TTC28: variants seen among roughly 807,000 people sequenced by gnomAD.
TTC28 encodes tetratricopeptide repeat domain 28, also known as tetratricopeptide repeat protein 28.
In TTC28, 61 loss-of-function variants were observed where a neutral mutation model predicts 198.0. The ratio of observed to expected loss-of-function variants is 0.31; its 90% CI spans 0.25 to 0.38. The LOEUF is 0.38. Among genes scored for constraint, TTC28 ranks in the 10% least tolerant of loss-of-function variants. TTC28 has a pLI of 1.00. For missense variants in TTC28, 2,678 were observed against 3,164.0 expected (o/e 0.85, Z 3.69); for synonymous variants, 1,171 against 1,297.8 (o/e 0.90, Z 2.10).
chr22:28,509,221 A>G (rs560380992), intron 2 of TTC28, among the ~76,000 whole-genome samples: 3 of 151,932 alleles, frequency 2.0e-5, no homozygotes, highest in Non-Finnish European at 4.4e-5. Context: ...CTCTCTACCC[A>G]GAAACAACAG....
rs1293172858 is a variant in TTC28, at chr22:28,133,668, C to T, written c.1442-25265G>A. ...GGCAGCAGCATGGCTAGGGGAGGGG[C>T]GCCCACCAATGCTGAGGCTTGAGTA... On this transcript the variant is annotated intron_variant, in intron 6 of 22. Coordinates refer to ENST00000397906, the MANE Select transcript of TTC28 (RefSeq NM_001145418.2). Among the ~76,000 whole-genome samples the T allele has an allele frequency of 6.4e-4, 97 of 152,252 alleles. 1 individual carries two copies. The highest frequency in any genetic ancestry group is 6.2e-4 in the South Asian group (3 of 4,818).
chr22:28,381,968 C>T (rs1253952651), intron 2 of TTC28, among the ~76,000 whole-genome samples: 2 of 152,094 alleles, frequency 1.3e-5, no homozygotes, highest in East Asian at 3.9e-4. Context: ...AGTGCCAATT[C>T]CTCGGCAAAT....
intron 2 of TTC28, among the ~76,000 whole-genome samples, chr22:28,381,746 T>G (rs1003275862): frequency 3.9e-5 from 6 of 152,152 alleles, no homozygotes; most frequent in African/African-American, 1.4e-4. Context: ...TACCACAGTT[T>G]GGTAACCAGA....
intron 12 of TTC28, among the ~76,000 whole-genome samples, chr22:28,071,789 A>G (rs1439602965): frequency 1.3e-5 from 2 of 151,900 alleles, no homozygotes; most frequent in Non-Finnish European, 2.9e-5. Context: ...TTACGATGAC[A>G]ACTTCGTCTC....
chr22:28,296,090 G>T, intron 5 of TTC28, 108 bp downstream of exon 5: 1 of 1,204,386 alleles, frequency 8.3e-7, no homozygotes, highest in Non-Finnish European at 1.1e-6. Context: ...ACTTTCTTCT[G>T]AAAGTAATAT....
intron 5 of TTC28, among the ~76,000 whole-genome samples, chr22:28,176,093 AAGG>A (rs1923140455): frequency 6.6e-6 from 1 of 152,204 alleles, no homozygotes; most frequent in Non-Finnish European, 1.5e-5. Context: ...TCAGTATGTC[AAGG>A]AGATTACCTG....
chr22:28,082,880 T>C (rs533007435), intron 12 of TTC28, among the ~76,000 whole-genome samples: 1 of 152,190 alleles, frequency 6.6e-6, no homozygotes, highest in Admixed American at 6.5e-5. Flanking sequence ...GTCCCAAACT[T>C]TTCTTTATTG....
intron 2 of TTC28, among the ~76,000 whole-genome samples, chr22:28,362,727 G>C (rs891925025): frequency 1.3e-5 from 2 of 152,128 alleles, no homozygotes; most frequent in Admixed American, 1.3e-4. Flanking sequence ...TTGGGAACTG[G>C]AGCAAAAATG....
At chr22:28,467,980 G>A (rs766672835) in intron 2 of TTC28, among the ~76,000 whole-genome samples, 12 of 151,532 alleles carry the variant, frequency 7.9e-5, no homozygotes, top group Non-Finnish European at 1.5e-4. Flanking sequence ...TTTGCTGCCC[G>A]GGCTGGTCTC....
At chr22:28,050,752 T>C (rs1940057557) in intron 12 of TTC28, among the ~76,000 whole-genome samples, 1 of 152,136 alleles carries the variant, frequency 6.6e-6, no homozygotes, top group Admixed American at 6.6e-5. Flanking sequence ...AATGAGAATA[T>C]TATAGCAAAA....
At chr22:28,621,451 A>C (rs2146185328) in intron 2 of TTC28, among the ~76,000 whole-genome samples, 1 of 152,226 alleles carries the variant, frequency 6.6e-6, no homozygotes, top group Admixed American at 6.5e-5. Context: ...CTCATGGCTC[A>C]TGACTATAAT....
At chr22:28,530,331 G>A (rs1446714425) in intron 2 of TTC28, among the ~76,000 whole-genome samples, 1 of 152,158 alleles carries the variant, frequency 6.6e-6, no homozygotes, top group Non-Finnish European at 1.5e-5. Flanking sequence ...TCAAATGAAT[G>A]AAATGAAGCG....
chr22:27,992,608 C>G lies in TTC28; in HGVS notation c.5532G>C (p.Thr1844=). The G allele has an allele frequency of 1.3e-6, 2 of 1,551,604 alleles. No homozygotes were observed. The highest frequency in any genetic ancestry group is 1.7e-6 in the Non-Finnish European group (2 of 1,146,980). The part of the protein sequence containing the change: ...ALCKLITASE[T]GEQLISRAVK... ...TTACCCGGCTGATGAGCTGCTCGCC[C>G]GTCTCGGAGGCAGTGATGAGTTTGC... The change falls in exon 19 of 23, where the codon ACG becomes ACC. Residue 1844 remains threonine (T), a synonymous_variant. Coordinates refer to ENST00000397906, the MANE Select transcript of TTC28 (RefSeq NM_001145418.2).
At chr22:28,208,220 A>G (rs1926598310) in intron 5 of TTC28, among the ~76,000 whole-genome samples, 1 of 152,184 alleles carries the variant, frequency 6.6e-6, no homozygotes, top group Non-Finnish European at 1.5e-5. Flanking sequence ...TAATTTCGTA[A>G]TGACTAAAGG....
chr22:28,663,015 G>C (rs2051772990), intron 1 of TTC28, among the ~76,000 whole-genome samples: 1 of 152,124 alleles, frequency 6.6e-6, no homozygotes, highest in Non-Finnish European at 1.5e-5. Flanking sequence ...TTGGGAGGCT[G>C]AGGCAGGCTG....
At chr22:28,089,606 T>G (rs1357335822) in intron 12 of TTC28, among the ~76,000 whole-genome samples, 1 of 150,564 alleles carries the variant, frequency 6.6e-6, no homozygotes, top group African/African-American at 2.5e-5. Context: ...ATGGCACGTG[T>G]ATACATATGT....
At chr22:28,636,718 ATTAT>A (rs201891590) in intron 1 of TTC28, among the ~76,000 whole-genome samples, 8,416 of 152,034 alleles carry the variant, frequency 0.055, 350 homozygotes, top group Admixed American at 0.14. Flanking sequence ...TAAAAATCAG[ATTAT>A]TTATTTATTT....
At chr22:28,389,161 T>C (rs2046670129) in intron 2 of TTC28, among the ~76,000 whole-genome samples, 1 of 152,276 alleles carries the variant, frequency 6.6e-6, no homozygotes, top group Non-Finnish European at 1.5e-5. Context: ...TTTGCGTATA[T>C]TGAACCAGAC....
intron 2 of TTC28, among the ~76,000 whole-genome samples, chr22:28,553,539 C>T (rs2049731796): frequency 2.0e-5 from 3 of 150,850 alleles, no homozygotes; most frequent in African/African-American, 4.9e-5. Context: ...GTGAGGAGAC[C>T]CTCTGCCTGG....
Sources: gnomAD v4.1 joint callset for allele counts (sites outside exome capture counted in the v4.1 genomes callset) on GRCh38, gnomAD v4.1.1 for gene constraint, MANE v1.5 for transcripts, NCBI Gene and HGNC (gene_info 2026-07-23, HGNC 2026-07-21) for gene names.